The following KCNIP4 variants were observed in gnomAD, a reference collection of about 807,000 sequenced individuals.
The protein encoded by KCNIP4 is Kv channel-interacting protein 4.
In KCNIP4, 12 loss-of-function variants were observed where a neutral mutation model predicts 34.0. The ratio of observed to expected loss-of-function variants is 0.35; its 90% confidence interval spans 0.23 to 0.57. The LOEUF is 0.57. Among genes scored for constraint, KCNIP4 ranks in the 20% least tolerant of loss-of-function variants. KCNIP4 has a pLI of 0.83. For missense variants in KCNIP4, 238 were observed against 311.7 expected (o/e 0.76, Z 1.78); for synonymous variants, 124 against 102.2 (o/e 1.21, Z -1.29).
At position 20,882,723 on chromosome 4, in the gene KCNIP4, G is replaced by C. The variant is rs1273484383; in HGVS notation, c.62-14C>G. ...CGTACAGGAAACCTAGAAGATACAG[G>C]ATCAGTTCTGTTAATGCTGTCTGCA... On this transcript the variant is annotated splice_polypyrimidine_tract_variant and intron_variant, in intron 1 of 8. Coordinates refer to ENST00000382152, the MANE Select transcript of KCNIP4 (RefSeq NM_025221.6). 7 of 1,593,690 alleles carry C rather than the reference G, an allele frequency of 4.4e-6. No homozygotes were observed. The highest frequency in any genetic ancestry group is 1.3e-5 in the African/African-American group (1 of 74,606).
chr4:21,278,508 C>T (rs1474218095), intron 1 of KCNIP4, among the ~76,000 whole-genome samples: 2 of 152,242 alleles, frequency 1.3e-5, no homozygotes, highest in East Asian at 3.9e-4. Context: ...TCCAGGTTGC[C>T]ACAAAAGACA....
intron 4 of KCNIP4, 75 bp from the exon 5 acceptor site, chr4:20,749,807 C>T (rs949696688): frequency 1.1e-6 from 1 of 934,150 alleles, no homozygotes; most frequent in Non-Finnish European, 1.7e-6. Flanking sequence ...GCAGTCCAAG[C>T]TTCCTTTGAT....
chr4:21,491,300 T>G (rs1170123166), intron 1 of KCNIP4, among the ~76,000 whole-genome samples: 1 of 152,156 alleles, frequency 6.6e-6, no homozygotes, highest in East Asian at 1.9e-4. Flanking sequence ...TTTTTTGCCT[T>G]TGCCAACAAC....
chr4:21,887,891 T>A (rs938622792), intron 1 of KCNIP4, among the ~76,000 whole-genome samples: 29 of 152,188 alleles, frequency 1.9e-4, no homozygotes, highest in African/African-American at 6.8e-4. Flanking sequence ...ACTTTTTGAA[T>A]TTCCAATGTA....
At chr4:21,308,741 G>A (rs71607064) in intron 1 of KCNIP4, among the ~76,000 whole-genome samples, 1 of 144,164 alleles carries the variant, frequency 6.9e-6, no homozygotes. Context: ...TGTGTGTGTA[G>A]CAGATAAGTA....
Position 20,730,030 on chromosome 4 carries a change from G to C in KCNIP4, c.*52C>G, listed in dbSNP as rs905611878. The C allele has an allele frequency of 3.8e-6, 6 of 1,559,452 alleles. No homozygotes were observed. The Admixed American group carries it at 9.9e-5, about 26-fold the overall frequency. On this transcript the variant is annotated 3_prime_UTR_variant, in exon 9 of 9. Transcript: ENST00000382152. ...TAAAAGTGGTAGCTCCAACTTTAAG[G>C]GTGGTAGAATAGTTCACATTTGTCT...
chr4:21,100,679 A>G (rs1747855093), intron 1 of KCNIP4, among the ~76,000 whole-genome samples: 1 of 152,208 alleles, frequency 6.6e-6, no homozygotes, highest in Non-Finnish European at 1.5e-5. Flanking sequence ...GACTTGCTGA[A>G]GGCTCAGATG....
At chr4:21,021,921 A>G (rs1740106010) in intron 1 of KCNIP4, among the ~76,000 whole-genome samples, 1 of 143,878 alleles carries the variant, frequency 7.0e-6, no homozygotes, top group Non-Finnish European at 1.5e-5. Flanking sequence ...TACATAAACC[A>G]GTAATAAAGT....
At chr4:21,758,113 G>A (rs1181824189) in intron 1 of KCNIP4, among the ~76,000 whole-genome samples, 3 of 152,140 alleles carry the variant, frequency 2.0e-5, no homozygotes, top group Non-Finnish European at 4.4e-5. Context: ...AAAAATTGTT[G>A]CTATTGATAT....
At chr4:20,742,155 G>T (rs1411976960) in intron 5 of KCNIP4, among the ~76,000 whole-genome samples, 1 of 152,140 alleles carries the variant, frequency 6.6e-6, no homozygotes, top group Admixed American at 6.5e-5. Context: ...AGAGGAGCTG[G>T]TACCATTTCT....
At chr4:21,218,147 C>G (rs899277259) in intron 1 of KCNIP4, among the ~76,000 whole-genome samples, 1 of 151,906 alleles carries the variant, frequency 6.6e-6, no homozygotes, top group African/African-American at 2.4e-5. Flanking sequence ...TCCCGAGTAG[C>G]TGGAATTACA....
chr4:21,073,158 A>G (rs1449291424), intron 1 of KCNIP4, among the ~76,000 whole-genome samples: 1 of 152,080 alleles, frequency 6.6e-6, no homozygotes, highest in South Asian at 2.1e-4. Flanking sequence ...TGAACTTTAA[A>G]GTAGTTTTTT....
intron 1 of KCNIP4, among the ~76,000 whole-genome samples, chr4:21,478,279 G>GGTA (rs1731154522): frequency 1.3e-5 from 2 of 151,770 alleles, no homozygotes; most frequent in Non-Finnish European, 2.9e-5. Context: ...TTATTTCTTA[G>GGTA]GTAGCATTTG....
chr4:20,741,399 A>T (rs542889792), intron 5 of KCNIP4, among the ~76,000 whole-genome samples: 1 of 152,338 alleles, frequency 6.6e-6, no homozygotes, highest in East Asian at 1.9e-4. Flanking sequence ...ATCAAATTAA[A>T]ACTCAAGATT....
At chr4:21,937,135 G>A (rs1280692358) in intron 1 of KCNIP4, among the ~76,000 whole-genome samples, 1 of 152,032 alleles carries the variant, frequency 6.6e-6, no homozygotes, top group African/African-American at 2.4e-5. Context: ...TAATAAATGT[G>A]TGCTTCTCTG....
chr4:20,735,574 G>C (rs1256635370), intron 5 of KCNIP4, among the ~76,000 whole-genome samples: 1 of 135,830 alleles, frequency 7.4e-6, no homozygotes, highest in Admixed American at 8.2e-5. Context: ...CTGTTGCCCA[G>C]GCTGGAGTGC....
chr4:21,523,043 AG>A (rs1186898822), intron 1 of KCNIP4, among the ~76,000 whole-genome samples: 2 of 151,136 alleles, frequency 1.3e-5, no homozygotes, highest in Non-Finnish European at 2.9e-5. Context: ...TTAAAAAAAA[AG>A]GGGGGGACAC....
intron 1 of KCNIP4, among the ~76,000 whole-genome samples, chr4:21,704,668 C>CACATCT (rs1713126130): frequency 6.6e-6 from 1 of 152,168 alleles, no homozygotes; most frequent in South Asian, 2.1e-4. Flanking sequence ...GTTATTACTA[C>CACATCT]ACATCTATTA....
chr4:21,087,837 C>T (rs1746605615), intron 1 of KCNIP4, among the ~76,000 whole-genome samples: 1 of 152,132 alleles, frequency 6.6e-6, no homozygotes, highest in Admixed American at 6.5e-5. Flanking sequence ...CTTTTCTCTC[C>T]AGCCACTCAT....
Sources: allele counts gnomAD v4.1 joint callset (sites outside exome capture counted in the v4.1 genomes callset), GRCh38; gene constraint gnomAD v4.1.1; transcripts MANE v1.5; gene names NCBI Gene and HGNC (gene_info 2026-07-23, HGNC 2026-07-21).